Variants in PIP4K2A observed in about 807,000 individuals in gnomAD.
PIP4K2A encodes phosphatidylinositol-5-phosphate 4-kinase type 2 alpha, also known as phosphatidylinositol 5-phosphate 4-kinase type-2 alpha.
Under a neutral mutation model 42.9 loss-of-function variants are expected in PIP4K2A, and 14 were observed. The observed-to-expected ratio is 0.33, with a 90% CI of 0.22 to 0.51. The LOEUF is 0.51. Among genes scored for constraint, PIP4K2A ranks in the 20% least tolerant of loss-of-function variants. PIP4K2A has a pLI of 0.97. For synonymous variants in PIP4K2A, 192 were observed against 192.2 expected, an observed-to-expected ratio of 1.00 and a Z score of 0.01; for missense variants, 434 against 519.8, an observed-to-expected ratio of 0.83 and a Z score of 1.61.
chr10:22,620,208 C>A (rs572912863), intron 1 of PIP4K2A, among the ~76,000 whole-genome samples: 1 of 152,322 alleles, frequency 6.6e-6, no homozygotes, highest in South Asian at 2.1e-4. Context: ...CCACTGTCAA[C>A]TTCATACAAA....
chr10:22,540,421 G>C (rs1363413051), intron 8 of PIP4K2A, among the ~76,000 whole-genome samples: 1 of 151,274 alleles, frequency 6.6e-6, no homozygotes, highest in Non-Finnish European at 1.5e-5. Flanking sequence ...TTGGTGTGAA[G>C]AAATATGCTA....
chr10:22,655,094 T>A (rs1839072913), intron 1 of PIP4K2A, among the ~76,000 whole-genome samples: 1 of 151,692 alleles, frequency 6.6e-6, no homozygotes, highest in African/African-American at 2.4e-5. Flanking sequence ...AATTTAAAAT[T>A]TAAAAATGAA....
At chr10:22,544,649 C>T (rs570282122) in intron 7 of PIP4K2A, among the ~76,000 whole-genome samples, 3 of 152,366 alleles carry the variant, frequency 2.0e-5, no homozygotes, top group African/African-American at 7.2e-5. Flanking sequence ...ACCACCCCTC[C>T]AGTCCTCTGC....
At chr10:22,642,479 C>G (rs1335595028) in intron 1 of PIP4K2A, among the ~76,000 whole-genome samples, 1 of 152,006 alleles carries the variant, frequency 6.6e-6, no homozygotes, top group Non-Finnish European at 1.5e-5. Context: ...CATAACTTTA[C>G]CACTTGCAAC....
chr10:22,700,418 G>A (rs1833692141), intron 1 of PIP4K2A, among the ~76,000 whole-genome samples: 1 of 152,134 alleles, frequency 6.6e-6, no homozygotes, highest in Admixed American at 6.5e-5. Flanking sequence ...TGTCCAGACT[G>A]AACACCACCT....
At chr10:22,681,448 A>G (rs945316814) in intron 1 of PIP4K2A, among the ~76,000 whole-genome samples, 1 of 152,180 alleles carries the variant, frequency 6.6e-6, no homozygotes, top group African/African-American at 2.4e-5. Context: ...CCCAGGCAGG[A>G]GGACTGTTTA....
chr10:22,691,194 G>A (rs1448582586), intron 1 of PIP4K2A, among the ~76,000 whole-genome samples: 1 of 152,178 alleles, frequency 6.6e-6, no homozygotes, highest in African/African-American at 2.4e-5. Flanking sequence ...TGGCATCTGC[G>A]ATTCAGAACA....
intron 1 of PIP4K2A, among the ~76,000 whole-genome samples, chr10:22,625,598 G>A (rs1031400120): frequency 5.9e-5 from 9 of 151,404 alleles, no homozygotes; most frequent in African/African-American, 2.2e-4. Flanking sequence ...GATATTTGGC[G>A]GTGGGCTTTG....
intron 1 of PIP4K2A, among the ~76,000 whole-genome samples, chr10:22,707,797 C>T (rs1833848719): frequency 6.6e-6 from 1 of 152,158 alleles, no homozygotes; most frequent in African/African-American, 2.4e-5. Flanking sequence ...CCATCTTATT[C>T]TTGCAAGGGT....
At chr10:22,618,527 T>C (rs1254053929) in intron 1 of PIP4K2A, among the ~76,000 whole-genome samples, 1 of 152,198 alleles carries the variant, frequency 6.6e-6, no homozygotes, top group Non-Finnish European at 1.5e-5. Context: ...GAACTTTCAC[T>C]TGTTCTCCAC....
At position 22,561,565 on chromosome 10, in the gene PIP4K2A, G is replaced by GTTTTTT. The variant is rs71394001; in HGVS notation, c.678+6280_678+6285dup. On this transcript the variant is annotated intron_variant, in intron 6 of 9. Coordinates refer to ENST00000376573, the MANE Select transcript of PIP4K2A (RefSeq NM_005028.5). ...TATGTCACCAGAGATTCTCTACGCA[G>GTTTTTT]TTTTTTTTTTTTTTTTTTTTTTTTT... Among the ~76,000 whole-genome samples the GTTTTTT allele has an allele frequency of 2.0e-4, 23 of 113,500 alleles. 11 individuals are homozygous for GTTTTTT. Among genetic ancestry groups the GTTTTTT allele is most frequent in the Non-Finnish European group, 1.6e-4 (9 of 57,628 alleles). The allele number at this position is 113,500 out of a possible 152,430, so 74.5% of individuals were successfully genotyped here.
intron 1 of PIP4K2A, among the ~76,000 whole-genome samples, chr10:22,711,879 T>C (rs1257377403): frequency 2.0e-5 from 3 of 152,094 alleles, no homozygotes; most frequent in Non-Finnish European, 4.4e-5. Context: ...CATTCTTTTT[T>C]CAAAAATAAT....
At chr10:22,636,716 T>C (rs1344196406) in intron 1 of PIP4K2A, among the ~76,000 whole-genome samples, 4 of 152,212 alleles carry the variant, frequency 2.6e-5, no homozygotes, top group Admixed American at 6.5e-5. Context: ...CGTGTAAATA[T>C]GTGGACGACT....
At chr10:22,669,484 A>G (rs1388598220) in intron 1 of PIP4K2A, among the ~76,000 whole-genome samples, 2 of 152,200 alleles carry the variant, frequency 1.3e-5, no homozygotes, top group African/African-American at 2.4e-5. Context: ...CAAACAAACA[A>G]AAAACAACAA....
chr10:22,672,284 T>A (rs1383132960), intron 1 of PIP4K2A, among the ~76,000 whole-genome samples: 1 of 126,800 alleles, frequency 7.9e-6, no homozygotes, highest in African/African-American at 2.9e-5. Context: ...GGGGGGACAG[T>A]GTGGGGGGGG....
At chr10:22,637,285 A>T (rs1025217340) in intron 1 of PIP4K2A, among the ~76,000 whole-genome samples, 1 of 152,198 alleles carries the variant, frequency 6.6e-6, no homozygotes, top group Non-Finnish European at 1.5e-5. Flanking sequence ...TCATCTGTTG[A>T]TCCCATCCAT....
At chr10:22,581,013 C>A (rs552076362) in intron 4 of PIP4K2A, among the ~76,000 whole-genome samples, 1 of 152,340 alleles carries the variant, frequency 6.6e-6, no homozygotes, top group Non-Finnish European at 1.5e-5. Flanking sequence ...AAACACTGAA[C>A]AATGCTGGCC....
At position 22,537,295 on chromosome 10, in the gene PIP4K2A, A is replaced by C. The variant is rs913070803; in HGVS notation, c.1141-14T>G. 4.4e-6 allele frequency: 7 copies of C among 1,573,704 alleles called. No homozygotes were observed. The highest frequency in any genetic ancestry group is 5.2e-6 in the Non-Finnish European group (6 of 1,154,080). ...CTCCGCGCCAGCCTGGGCAGTTTTT[A>C]AAAAAGGAAATATTGACATAGTGTT... On this transcript the variant is annotated splice_polypyrimidine_tract_variant and intron_variant, in intron 9 of 9. Coordinates refer to ENST00000376573, the MANE Select transcript of PIP4K2A (RefSeq NM_005028.5).
intron 5 of PIP4K2A, chr10:22,569,083 T>C (rs1377898494): frequency 6.6e-7 from 1 of 1,513,914 alleles, no homozygotes; most frequent in African/African-American, 1.4e-5. Context: ...TTTTGATTAC[T>C]GGCTTTCATC....
Sources: gnomAD v4.1 joint callset for allele counts (sites outside exome capture counted in the v4.1 genomes callset) on GRCh38, gnomAD v4.1.1 for gene constraint, MANE v1.5 for transcripts, NCBI Gene and HGNC (gene_info 2026-07-23, HGNC 2026-07-21) for gene names.